The following DIP2B variants were observed in gnomAD, a reference collection of about 807,000 sequenced individuals.
The protein encoded by DIP2B is disco-interacting protein 2 homolog B.
Under a neutral mutation model 198.0 loss-of-function variants are expected in DIP2B, and 76 were observed. That is an observed-to-expected ratio of 0.38 (90% CI 0.32 to 0.46). DIP2B has a LOEUF of 0.46. Ranked by LOEUF, DIP2B falls within the 20% of genes least tolerant of loss-of-function variation. The probability of loss-of-function intolerance (pLI) is 0.99; values close to 1 mark genes in which losing one functional copy is unlikely to be tolerated. For missense variants in DIP2B, 1,559 were observed against 1,978.4 expected, an observed-to-expected ratio of 0.79 and a Z score of 4.02; for synonymous variants, 701 against 739.1, an observed-to-expected ratio of 0.95 and a Z score of 0.84.
intron 22 of DIP2B, 81 bp from the exon 23 acceptor site, chr12:50,714,314 G>A (rs757166660): frequency 2.1e-4 from 329 of 1,538,444 alleles, no homozygotes; most frequent in Non-Finnish European, 2.5e-4. Flanking sequence ...AAATTGTAGC[G>A]TAAAATAATG....
intron 4 of DIP2B, among the ~76,000 whole-genome samples, chr12:50,663,961 T>C (rs1938702333): frequency 6.6e-6 from 1 of 152,036 alleles, no homozygotes; most frequent in Non-Finnish European, 1.5e-5. Flanking sequence ...TTTACAGGAT[T>C]TAGTTGCATC....
At chr12:50,596,312 G>T (rs777101132) in intron 1 of DIP2B, among the ~76,000 whole-genome samples, 1 of 152,198 alleles carries the variant, frequency 6.6e-6, no homozygotes, top group Non-Finnish European at 1.5e-5. Flanking sequence ...GTATGAGTTT[G>T]GTTGTCTCTC....
rs946479911 is a variant in DIP2B at position 50,703,242 on chromosome 12, AT to A, written c.2326-888del. Among the ~76,000 whole-genome samples, 726 of 148,960 alleles carry A rather than the reference AT, an allele frequency of 4.9e-3. 8 individuals carry two copies. Among genetic ancestry groups the A allele is most frequent in the African/African-American group, 0.016 (662 of 40,486 alleles). On this transcript the variant is annotated intron_variant, in intron 19 of 37. Coordinates refer to ENST00000301180, the MANE Select transcript of DIP2B (RefSeq NM_173602.3). ...TATCTCATTTTAAAAAAAAAAAAAG[AT>A]TTTTTTTTTAATAAATTAACAATAG...
chr12:50,606,154 T>C (rs964259736), intron 1 of DIP2B, among the ~76,000 whole-genome samples: 6 of 151,946 alleles, frequency 3.9e-5, no homozygotes, highest in African/African-American at 1.5e-4. Flanking sequence ...TGGATCTTGC[T>C]CTGTCACTTA....
At chr12:50,517,239 ATT>A (rs998839523) in intron 1 of DIP2B, among the ~76,000 whole-genome samples, 1 of 147,860 alleles carries the variant, frequency 6.8e-6, no homozygotes, top group African/African-American at 2.5e-5. Flanking sequence ...TTTTAATTAG[ATT>A]TTTTTTTTTA....
chr12:50,543,783 G>A (rs188187290), intron 1 of DIP2B, among the ~76,000 whole-genome samples: 5 of 151,862 alleles, frequency 3.3e-5, no homozygotes, highest in East Asian at 2.0e-4. Context: ...CATTAGCTGG[G>A]CATAGTGGCA....
At chr12:50,665,957 C>G (rs2139518082) in intron 4 of DIP2B, among the ~76,000 whole-genome samples, 1 of 152,288 alleles carries the variant, frequency 6.6e-6, no homozygotes, top group Admixed American at 6.5e-5. Context: ...GTTGGGGAGT[C>G]TTTCCTAAAT....
intron 1 of DIP2B, among the ~76,000 whole-genome samples, chr12:50,608,264 C>A (rs1184751924): frequency 6.6e-6 from 1 of 152,018 alleles, no homozygotes. Context: ...TAAAAAGAAA[C>A]AAAAATGCAA....
At chr12:50,719,078 A>C in intron 25 of DIP2B, 43 bp downstream of exon 25, 1 of 1,595,322 alleles carries the variant, frequency 6.3e-7, no homozygotes, top group East Asian at 2.2e-5. Context: ...TGACTACTAT[A>C]GGACCATCTT....
intron 1 of DIP2B, among the ~76,000 whole-genome samples, chr12:50,536,526 G>T (rs141225427): frequency 1.3e-5 from 2 of 151,574 alleles, no homozygotes; most frequent in Non-Finnish European, 2.9e-5. Flanking sequence ...AAAGTTACAT[G>T]TTGAATATTC....
At chr12:50,555,253 TTCTTA>T (rs1000096404) in intron 1 of DIP2B, among the ~76,000 whole-genome samples, 7 of 152,246 alleles carry the variant, frequency 4.6e-5, no homozygotes, top group Non-Finnish European at 8.8e-5. Flanking sequence ...TAGGAGTCTT[TTCTTA>T]TCTTCCTGTT....
At chr12:50,513,987 AGATT>A (rs1178865089) in intron 1 of DIP2B, among the ~76,000 whole-genome samples, 1 of 151,714 alleles carries the variant, frequency 6.6e-6, no homozygotes, top group Non-Finnish European at 1.5e-5. Flanking sequence ...TTTTAGCTCT[AGATT>A]GATCTTTCAT....
intron 1 of DIP2B, among the ~76,000 whole-genome samples, chr12:50,532,989 C>T (rs1322583431): frequency 6.6e-6 from 1 of 152,230 alleles, no homozygotes; most frequent in Non-Finnish European, 1.5e-5. Context: ...CAGGAAACTG[C>T]TTTCCCAACT....
chr12:50,530,089 T>G (rs186165203), intron 1 of DIP2B, among the ~76,000 whole-genome samples: 2 of 152,194 alleles, frequency 1.3e-5, no homozygotes, highest in Admixed American at 1.3e-4. Context: ...CACTTTCATT[T>G]TTTTTGAGAC....
chr12:50,731,229 C>A, intron 30 of DIP2B, 140 bp from the exon 31 acceptor site: 2 of 1,038,778 alleles, frequency 1.9e-6, no homozygotes, highest in Non-Finnish European at 2.7e-6. Context: ...AGGAACAAGA[C>A]TGATTCTTAG....
chr12:50,518,111 C>T (rs534204285), intron 1 of DIP2B, among the ~76,000 whole-genome samples: 1 of 152,166 alleles, frequency 6.6e-6, no homozygotes, highest in African/African-American at 2.4e-5. Context: ...ATGTATCTTC[C>T]CACCTGTGGT....
intron 1 of DIP2B, among the ~76,000 whole-genome samples, chr12:50,522,528 T>G (rs1240346412): frequency 6.6e-6 from 1 of 152,002 alleles, no homozygotes; most frequent in Non-Finnish European, 1.5e-5. Flanking sequence ...GGATGCATCT[T>G]TGGGGTATGG....
intron 3 of DIP2B, among the ~76,000 whole-genome samples, chr12:50,648,436 T>A (rs1938389058): frequency 6.6e-6 from 1 of 152,182 alleles, no homozygotes; most frequent in Non-Finnish European, 1.5e-5. Flanking sequence ...CGATCTCGGC[T>A]CACTGCAGGC....
intron 1 of DIP2B, among the ~76,000 whole-genome samples, chr12:50,587,817 C>T (rs59651845): frequency 3.3e-5 from 5 of 152,222 alleles, no homozygotes; most frequent in African/African-American, 1.2e-4. Flanking sequence ...TTATCACTTA[C>T]TCATCAAGTA....
Sources: gnomAD v4.1 joint callset for allele counts (sites outside exome capture counted in the v4.1 genomes callset) on GRCh38, gnomAD v4.1.1 for gene constraint, MANE v1.5 for transcripts, NCBI Gene and HGNC (gene_info 2026-07-23, HGNC 2026-07-21) for gene names.